Variants in SATB1 observed in about 807,000 individuals in gnomAD.
The protein encoded by SATB1 is SATB homeobox 1, also known as DNA-binding protein SATB1.
A neutral mutation model predicts 86.9 loss-of-function variants in SATB1; 11 were observed. The observed-to-expected ratio is 0.13, with a 90% CI of 0.08 to 0.21. The LOEUF is 0.21. SATB1 is among the 10% of genes least tolerant of loss of function. SATB1 has a pLI of 1.00. For missense variants in SATB1, 551 were observed against 937.6 expected (o/e 0.59, Z 5.39); for synonymous variants, 357 against 357.2 (o/e 1.00, Z 0.01).
intron 5 of SATB1, chr3:18,410,722 T>C (rs1697791391): frequency 4.3e-6 from 1 of 231,110 alleles, no homozygotes; most frequent in Non-Finnish European, 8.2e-6. Flanking sequence ...TGAACACTGA[T>C]GCTGGCTATT....
rs1322180857 is a variant in SATB1, at chr3:18,420,860, G to A, written c.108C>T (p.Asn36=). The A allele has an allele frequency of 5.6e-6, 9 of 1,614,124 alleles. No homozygotes were observed. The highest frequency in any genetic ancestry group is 2.7e-5 in the African/African-American group (2 of 75,020). Residue 36 remains asparagine (N), a synonymous_variant, in exon 2 of 11, where the codon AAC becomes AAT. Coordinates refer to ENST00000338745, the MANE Select transcript of SATB1 (RefSeq NM_002971.6). ...GCCTTCCTCTTCCTAGCGGGCTCCC[G>A]TTCTGCTCCAGGCGGGCAATCTTGG... ...PPAKIARLEQ[N]GSPLGRGRLG...
chr3:18,417,596 A>C (rs991874105), intron 2 of SATB1: 1 of 671,776 alleles, frequency 1.5e-6, no homozygotes, highest in African/African-American at 1.8e-5. Context: ...ATTAACTCTA[A>C]CTGGTTCCAC....
upstream of SATB1, among the ~76,000 whole-genome samples, chr3:18,442,023 C>CA (rs1387361920): frequency 3.3e-5 from 5 of 151,994 alleles, no homozygotes; most frequent in Middle Eastern, 3.2e-3. Context: ...CAAATCTGAA[C>CA]AAAAAACATT....
chr3:18,427,260 C>G (rs569507044), upstream of SATB1, among the ~76,000 whole-genome samples: 10 of 152,194 alleles, frequency 6.6e-5, no homozygotes, highest in Non-Finnish European at 1.2e-4. Flanking sequence ...ATAGTTGCTT[C>G]AAACTAGTAA....
At position 18,348,705 on chromosome 3, in the gene SATB1, CAT is replaced by C. The variant is rs1694186417; in HGVS notation, c.*463_*464del. 1 of 156,408 alleles carries C rather than the reference CAT, an allele frequency of 6.4e-6. No homozygotes were observed. The highest frequency in any genetic ancestry group is 6.2e-5 in the Admixed American group (1 of 16,024). 9.7% of individuals were successfully genotyped at this position (156,408 alleles called of 1,614,324 possible). A position where few individuals can be genotyped will look rare whatever the true frequency, so the allele number is the denominator to read the frequency against. ...TCCACAGTCTATAGTTCTTTTGTAA[CAT>C]ACAATAGAGTAACAAACTCTTTTTT... On this transcript the variant is annotated 3_prime_UTR_variant, in exon 11 of 11. Coordinates refer to ENST00000338745, the MANE Select transcript of SATB1 (RefSeq NM_002971.6).
intron 5 of SATB1, among the ~76,000 whole-genome samples, chr3:18,410,349 G>A (rs1356022252): frequency 2.0e-5 from 3 of 151,848 alleles, no homozygotes; most frequent in Non-Finnish European, 2.9e-5. Context: ...CTTTATCTGT[G>A]GTATGTGATG....
chr3:18,406,034 G>A (rs1382149359), intron 5 of SATB1, among the ~76,000 whole-genome samples: 1 of 151,944 alleles, frequency 6.6e-6, no homozygotes, highest in East Asian at 1.9e-4. Flanking sequence ...AAATGTGTTG[G>A]AATGGGTTGT....
intron 5 of SATB1, among the ~76,000 whole-genome samples, chr3:18,399,321 G>A (rs2125125181): frequency 6.6e-6 from 1 of 152,226 alleles, no homozygotes; most frequent in Non-Finnish European, 1.5e-5. Context: ...CTACAAAGAT[G>A]AGGCACCTGT....
chr3:18,351,533 TC>T (rs1344521510), intron 10 of SATB1: 6 of 660,850 alleles, frequency 9.1e-6, no homozygotes, highest in Non-Finnish European at 1.5e-5. Context: ...CAATTAAGCT[TC>T]CCTCCCCTCC....
intron 7 of SATB1, among the ~76,000 whole-genome samples, chr3:18,392,490 T>G (rs777697890): frequency 1.3e-5 from 2 of 152,068 alleles, no homozygotes; most frequent in Non-Finnish European, 2.9e-5. Flanking sequence ...GGACACTTAC[T>G]TAGTGCTTTA....
At chr3:18,363,853 T>A (rs1157026684) in intron 9 of SATB1, among the ~76,000 whole-genome samples, 1 of 152,010 alleles carries the variant, frequency 6.6e-6, no homozygotes, top group Non-Finnish European at 1.5e-5. Context: ...TATAGTTAGT[T>A]CAATTGGAAA....
Position 18,397,196 on chromosome 3 carries a change from T to C in SATB1, c.734A>G (p.Lys245Arg). 1 of 1,600,902 alleles carries C rather than the reference T, an allele frequency of 6.2e-7. No homozygotes were observed. Among genetic ancestry groups the C allele is most frequent in the Non-Finnish European group, 8.6e-7 (1 of 1,168,058 alleles). ...TTGCTTACCCATCATATCTTTTGTC[T>C]TCTTGAAATGTTTGTACCACCTTCC... ...EFGRWYKHFK[K>R]TKDMMVEMDS... The change falls in exon 6 of 11, where the codon AAG becomes AGG. Residue 245 changes from lysine (K) to arginine (R), a missense_variant. Physicochemically the swap from Lys to Arg is conservative, Grantham distance 26. Coordinates refer to ENST00000338745, the MANE Select transcript of SATB1 (RefSeq NM_002971.6).
chr3:18,352,578 CAGG>C lies in SATB1; in HGVS notation c.1576-386_1576-384del, dbSNP rs1694422770. 7 of 190,244 alleles carry C rather than the reference CAGG, an allele frequency of 3.7e-5. No individual in the cohort carries two copies. In the South Asian group the frequency reaches 5.5e-4, roughly 15 times the overall value. The allele number at this position is 190,244 out of a possible 1,614,324, so 11.8% of individuals were successfully genotyped here. A position where few individuals can be genotyped will look rare whatever the true frequency, so the allele number is the denominator to read the frequency against. ...TGAGGATACGGAAGTGCCTAAGAGG[CAGG>C]ACAGATTTTAGAAATAATTTTTTTC... On this transcript the variant is annotated intron_variant, in intron 9 of 10. Coordinates refer to ENST00000338745, the MANE Select transcript of SATB1 (RefSeq NM_002971.6). This position sits in a 1 kb window ranked among gnomAD's most constrained non-coding sequence, Gnocchi z 4.1.
At chr3:18,397,398 A>AAATG in intron 5 of SATB1, 108 bp from the exon 6 acceptor site, 1 of 690,792 alleles carries the variant, frequency 1.4e-6, no homozygotes, top group Non-Finnish European at 2.5e-6. Context: ...CTGAGTACCA[A>AAATG]TACATTTTGG....
At chr3:18,405,208 TTTTA>T (rs1697461719) in intron 5 of SATB1, among the ~76,000 whole-genome samples, 1 of 152,022 alleles carries the variant, frequency 6.6e-6, no homozygotes, top group African/African-American at 2.4e-5. Flanking sequence ...ATCCAAGGAA[TTTTA>T]TTTGATTTTA....
At position 18,423,761 on chromosome 3, in the gene SATB1, AAGC is replaced by A. The variant is rs1698512259; in HGVS notation, c.-162_-160del. The A allele has an allele frequency of 6.6e-6, 1 of 151,334 alleles. No individual in the cohort carries two copies. The highest frequency in any genetic ancestry group is 1.5e-5 in the Non-Finnish European group (1 of 67,798). 9.4% of individuals were successfully genotyped at this position (151,334 alleles called of 1,614,324 possible). A position where few individuals can be genotyped will look rare whatever the true frequency, so the allele number is the denominator to read the frequency against. On this transcript the variant is annotated 5_prime_UTR_variant, in exon 1 of 11. Transcript: ENST00000338745. The stretch of plus-strand genomic sequence containing the variant: ...TTTAATTAAAAAAAAAAAAATAAAA[AAGC>A]AGCAGACCTGAAGGCGACTTCCCCT...
At chr3:18,361,740 A>C (rs1264923360) in intron 9 of SATB1, among the ~76,000 whole-genome samples, 4 of 152,174 alleles carry the variant, frequency 2.6e-5, no homozygotes, top group African/African-American at 9.7e-5. Context: ...ATTTAACTAT[A>C]ATGTTTACAT....
intron 7 of SATB1, among the ~76,000 whole-genome samples, chr3:18,391,442 T>C (rs1174469073): frequency 6.6e-6 from 1 of 151,776 alleles, no homozygotes; most frequent in African/African-American, 2.4e-5. Context: ...GTTAGTTACA[T>C]ATGTATACAT....
chr3:18,417,934 T>C (rs905889166), intron 2 of SATB1, among the ~76,000 whole-genome samples: 3 of 152,146 alleles, frequency 2.0e-5, no homozygotes, highest in Non-Finnish European at 4.4e-5. Flanking sequence ...AGTAGCTAGA[T>C]GATTAATAAG....
Sources: gnomAD v4.1 joint callset for allele counts (sites outside exome capture counted in the v4.1 genomes callset) on GRCh38, gnomAD v4.1.1 for gene constraint, Gnocchi (gnomAD v3.1) non-coding constraint, MANE v1.5 for transcripts, NCBI Gene and HGNC (gene_info 2026-07-23, HGNC 2026-07-21) for gene names.